Variants in C6 observed in about 807,000 individuals in gnomAD.
The protein encoded by C6 is complement C6, also known as complement component C6.
C6 carries 101 observed loss-of-function variants against 112.9 expected under a neutral mutation model. The observed-to-expected ratio is 0.89, with a 90% CI of 0.76 to 1.06. C6 has a LOEUF of 1.06. Ranked by LOEUF, C6 falls within the 50% of genes least tolerant of loss-of-function variation. C6 has a pLI of 0.00. For missense variants in C6, 1,202 were observed against 1,104.6 expected (o/e 1.09, Z -1.25); for synonymous variants, 431 against 384.1 (o/e 1.12, Z -1.43).
In C6 at chr5:41,149,283, ATTCT is replaced by A. The variant is rs2150229900; in HGVS notation, c.2577_2580del (p.Lys859AsnfsTer50). On this transcript the variant is annotated frameshift_variant, in exon 17 of 18. Transcript: ENST00000337836. LOFTEE classifies it high-confidence loss of function. Reference sequence around the variant, plus strand: ...TCATAGCAGGTGTCATAGCCACAGGATTCTTTCTTTGTGCTGTTGGATGAAAGTC... The same window carrying A: ...TCATAGCAGGTGTCATAGCCACAGGATTCTTTGTGCTGTTGGATGAAAGTC... 1 of 1,614,058 alleles carries A rather than the reference ATTCT, an allele frequency of 6.2e-7. No homozygotes were observed. The highest frequency in any genetic ancestry group is 1.1e-5 in the South Asian group (1 of 91,076).
chr5:41,150,605 G>A (rs1326731399), intron 15 of C6, among the ~76,000 whole-genome samples: 1 of 152,092 alleles, frequency 6.6e-6, no homozygotes, highest in Non-Finnish European at 1.5e-5. Context: ...ATGGGAGGCA[G>A]TGGTCGGGCA....
intron 1 of C6, among the ~76,000 whole-genome samples, chr5:41,230,724 A>T (rs1385973557): frequency 1.3e-5 from 2 of 152,066 alleles, no homozygotes; most frequent in East Asian, 3.9e-4. Flanking sequence ...AAAATCCCTA[A>T]TAAAAACGTG....
At chr5:41,180,058 T>G (rs1580126526) in intron 7 of C6, among the ~76,000 whole-genome samples, 1 of 152,206 alleles carries the variant, frequency 6.6e-6, no homozygotes, top group East Asian at 1.9e-4. Context: ...GATGTTTAAA[T>G]ATTGACTCTG....
At chr5:41,189,199 G>A (rs925579057) in intron 5 of C6, among the ~76,000 whole-genome samples, 39 of 152,026 alleles carry the variant, frequency 2.6e-4, no homozygotes, top group African/African-American at 9.2e-4. Flanking sequence ...TGGTGCAGCT[G>A]TTTTGGAAAA....
At chr5:41,152,529 T>A (rs929290670) in intron 15 of C6, among the ~76,000 whole-genome samples, 3 of 152,146 alleles carry the variant, frequency 2.0e-5, no homozygotes, top group Non-Finnish European at 4.4e-5. Flanking sequence ...TCTTAGCTTA[T>A]CAAGTAGAAG....
intron 1 of C6, among the ~76,000 whole-genome samples, chr5:41,244,640 G>C (rs759265043): frequency 1.3e-5 from 2 of 152,088 alleles, no homozygotes; most frequent in Non-Finnish European, 2.9e-5. Context: ...GTCAACCACT[G>C]TCCCCCTTGG....
At chr5:41,246,415 T>C (rs191996574) in intron 1 of C6, among the ~76,000 whole-genome samples, 1 of 152,246 alleles carries the variant, frequency 6.6e-6, no homozygotes, top group Non-Finnish European at 1.5e-5. Flanking sequence ...TGCATCCAAC[T>C]ATTCTAATTA....
At chr5:41,200,075 G>A (rs955805394) in intron 3 of C6, among the ~76,000 whole-genome samples, 163 bp from the exon 4 acceptor site, 1 of 152,148 alleles carries the variant, frequency 6.6e-6, no homozygotes, top group Non-Finnish European at 1.5e-5. Flanking sequence ...CTCCCTTAGG[G>A]AAATAATCAC....
rs150628618 is a variant in C6 at position 41,212,560 on chromosome 5, C to G, written c.-21+816G>C. ...GTTTCTTATTTATTAATTTCCACAT[C>G]TCTAGGCATTCTGGAGGTATCTAAA... On this transcript the variant is annotated intron_variant, in intron 1 of 17. Transcript: ENST00000337836. 1.2e-3 allele frequency among the ~76,000 whole-genome samples: 188 copies of G among 152,278 alleles called. 3 individuals carry two copies. The East Asian group carries it at 0.03, about 25-fold the overall frequency.
At chr5:41,220,450 C>T (rs1739093904) in intron 1 of C6, among the ~76,000 whole-genome samples, 1 of 152,190 alleles carries the variant, frequency 6.6e-6, no homozygotes, top group African/African-American at 2.4e-5. Flanking sequence ...CTAGCTCCCT[C>T]AAACCATCCT....
chr5:41,181,501 C>T lies in C6; in HGVS notation c.785G>A (p.Gly262Glu), dbSNP rs1201346005. ...TDFYKDLTSL[G>E]HNENQQGSFS... The stretch of plus-strand genomic sequence containing the variant: ...TGAGCCTTGTTGATTTTCATTGTGT[C>T]CAAGAGAAGTTAAATCCTTGTAGAA... Residue 262 changes from glycine (G) to glutamate (E), a missense_variant, in exon 7 of 18, where the codon GGA becomes GAA. By Grantham distance (98) the Gly-to-Glu change is moderately conservative. Coordinates refer to ENST00000337836, the MANE Select transcript of C6 (RefSeq NM_000065.5). The T allele has an allele frequency of 6.2e-7, 1 of 1,613,634 alleles. No homozygotes were observed. Among genetic ancestry groups the T allele is most frequent in the Non-Finnish European group, 8.5e-7 (1 of 1,179,790 alleles).
At chr5:41,183,354 T>C (rs1349382248) in intron 6 of C6, among the ~76,000 whole-genome samples, 3 of 152,108 alleles carry the variant, frequency 2.0e-5, no homozygotes, top group African/African-American at 7.2e-5. Flanking sequence ...AATGGCTGTG[T>C]TTTGACCAAC....
In C6 at chr5:41,235,341, C is replaced by T. The variant is rs1445628097; in HGVS notation, c.-21+25853G>A. Among the ~76,000 whole-genome samples the T allele has an allele frequency of 7.6e-5, 11 of 144,740 alleles. No individual in the cohort carries two copies. The South Asian group carries it at 1.4e-3, about 18-fold the overall frequency. 95.0% of individuals were successfully genotyped at this position (144,740 alleles called of 152,430 possible). A position where few individuals can be genotyped will look rare whatever the true frequency, so the allele number is the denominator to read the frequency against. On this transcript the variant is annotated intron_variant, in intron 1 of 17. Coordinates refer to the C6 transcript ENST00000263413. ...AATATGCGGTGTTTGGTTTTTTGTT[C>T]TTGCGATAGTTTACTGAGAATGATG...
chr5:41,256,896 T>C (rs1293251413), intron 1 of C6, among the ~76,000 whole-genome samples: 1 of 152,172 alleles, frequency 6.6e-6, no homozygotes, highest in Non-Finnish European at 1.5e-5. Context: ...CCACTTTCCA[T>C]CCCCAAGTCC....
Position 41,172,206 on chromosome 5 carries a change from T to C in C6, c.1291+19A>G, listed in dbSNP as rs1452750376. On this transcript the variant is annotated intron_variant, in intron 9 of 17. Transcript: ENST00000337836. ...GCTCAGGGCACACTGGATAAGCTGCTAAGAGAGAGTACTGTTACCTTCATG... is the reference window on the plus strand; with the variant it reads ...GCTCAGGGCACACTGGATAAGCTGCCAAGAGAGAGTACTGTTACCTTCATG... 6.2e-7 allele frequency: 1 copy of C among 1,613,398 alleles called. No homozygotes were observed. The highest frequency in any genetic ancestry group is 1.1e-5 in the South Asian group (1 of 91,080).
rs1749948190 is a variant in C6 at position 41,188,385 on chromosome 5, T to C, written c.588-2177A>G. ...TACACAATTTACTTCAAAATTAGGG[T>C]CATCAAGACAGTGTAGTAGTACTGG... On this transcript the variant is annotated intron_variant, in intron 5 of 17. Coordinates refer to ENST00000337836, the MANE Select transcript of C6 (RefSeq NM_000065.5). Among the ~76,000 whole-genome samples the C allele has an allele frequency of 1.3e-5, 2 of 152,168 alleles. 1 individual carries two copies. Among genetic ancestry groups the C allele is most frequent in the African/African-American group, 4.8e-5 (2 of 41,544 alleles).
chr5:41,190,835 C>T (rs1241270382), intron 5 of C6, among the ~76,000 whole-genome samples: 2 of 152,000 alleles, frequency 1.3e-5, no homozygotes, highest in East Asian at 3.9e-4. Context: ...TCCAGTTTTT[C>T]CAGCACCATT....
chr5:41,167,450 C>A (rs147577932), intron 9 of C6, among the ~76,000 whole-genome samples: 1 of 152,052 alleles, frequency 6.6e-6, no homozygotes, highest in Non-Finnish European at 1.5e-5. Flanking sequence ...GAATATTGGA[C>A]ATGTGGTAAC....
chr5:41,254,044 CTT>C (rs1741526353), intron 1 of C6, among the ~76,000 whole-genome samples: 1 of 152,114 alleles, frequency 6.6e-6, no homozygotes, highest in South Asian at 2.1e-4. Context: ...CTAGGAATAA[CTT>C]ATGTATAAAA....
Sources: gnomAD v4.1 joint callset for allele counts (sites outside exome capture counted in the v4.1 genomes callset) on GRCh38, gnomAD v4.1.1 for gene constraint, MANE v1.5 for transcripts, NCBI Gene and HGNC (gene_info 2026-07-23, HGNC 2026-07-21) for gene names.